RPS6KL1: variants seen among roughly 807,000 people sequenced by gnomAD.
RPS6KL1 encodes the protein ribosomal protein S6 kinase like 1.
Under a neutral mutation model 57.0 loss-of-function variants are expected in RPS6KL1, and 41 were observed. The ratio of observed to expected loss-of-function variants is 0.72; its 90% CI spans 0.56 to 0.93. The LOEUF (loss-of-function observed/expected upper bound fraction) is 0.93. Among genes scored for constraint, RPS6KL1 ranks in the 40% least tolerant of loss-of-function variants. RPS6KL1 has a pLI of 0.00. For synonymous variants in RPS6KL1, 287 were observed against 309.7 expected (o/e 0.93, Z 0.77); for missense variants, 697 against 727.7 (o/e 0.96, Z 0.49).
intron 5 of RPS6KL1, among the ~76,000 whole-genome samples, chr14:74,918,229 TC>T (rs1163850555): frequency 1.3e-5 from 2 of 152,130 alleles, no homozygotes; most frequent in East Asian, 3.9e-4. Flanking sequence ...GTGCTGGGAT[TC>T]CAGGTGTGAG....
chr14:74,907,647 A>G, intron 10 of RPS6KL1, 117 bp from the exon 11 acceptor site: 5 of 948,146 alleles, frequency 5.3e-6, no homozygotes, highest in Non-Finnish European at 7.7e-6. Flanking sequence ...GACAATAATG[A>G]TAGTTGCTAC....
Position 74,905,848 on chromosome 14 carries a change from A to C in RPS6KL1, c.*1166T>G, listed in dbSNP as rs1197229447. The C allele has an allele frequency of 1.3e-5, 2 of 153,298 alleles. No homozygotes were observed. The highest frequency in any genetic ancestry group is 1.3e-4 in the Admixed American group (2 of 15,452). The allele number at this position is 153,298 out of a possible 1,614,324, so 9.5% of individuals were successfully genotyped here. A position where few individuals can be genotyped will look rare whatever the true frequency, so the allele number is the denominator to read the frequency against. Reference sequence around the variant, plus strand: ...CAGAGCCAGGCACGTGGACCGTGTCAGAAGCGCCACCTGGTGGTGACTGGG... The same window carrying C: ...CAGAGCCAGGCACGTGGACCGTGTCCGAAGCGCCACCTGGTGGTGACTGGG... On this transcript the variant is annotated 3_prime_UTR_variant, in exon 12 of 12. Transcript: ENST00000557413.
chr14:74,919,044 G>A (rs564052631), intron 4 of RPS6KL1, among the ~76,000 whole-genome samples: 9 of 152,316 alleles, frequency 5.9e-5, no homozygotes, highest in Non-Finnish European at 1.0e-4. Flanking sequence ...GCATGGTGGC[G>A]CCTGCCTGTA....
rs750781763 is a variant in RPS6KL1 at position 74,919,975 on chromosome 14, G to C, written c.266-6C>G. ...TCGCTCCTTGTTGGGGTCAACTGTG[G>C]GAGACAAGAGTCACCAGGGTCCCCA... On this transcript the variant is annotated splice_region_variant and splice_polypyrimidine_tract_variant and intron_variant, in intron 3 of 11. Coordinates refer to ENST00000557413, the MANE Select transcript of RPS6KL1 (RefSeq NM_031464.5). The C allele has an allele frequency of 1.2e-6, 2 of 1,614,102 alleles. No homozygotes were observed. The highest frequency in any genetic ancestry group is 1.7e-6 in the Non-Finnish European group (2 of 1,180,006).
intron 4 of RPS6KL1, among the ~76,000 whole-genome samples, chr14:74,919,030 C>A (rs545579332): frequency 1.3e-5 from 2 of 152,292 alleles, no homozygotes; most frequent in East Asian, 3.9e-4. Context: ...CAAAAATTAG[C>A]CGAGCATGGT....
In RPS6KL1 at chr14:74,909,258, G is replaced by A; in HGVS notation, c.1271-68C>T. The A allele has an allele frequency of 2.0e-6, 3 of 1,465,574 alleles. No individual in the cohort carries two copies. The South Asian group carries it at 3.4e-5, about 17-fold the overall frequency. The allele number at this position is 1,465,574 out of a possible 1,614,324, so 90.8% of individuals were successfully genotyped here. A position where few individuals can be genotyped will look rare whatever the true frequency, so the allele number is the denominator to read the frequency against. ...AGCTGATACAGGGGAGGGGGTTGCAGGGCTTCCCCCAACAGTCATGCGGTA... is the reference window on the plus strand; with the variant it reads ...AGCTGATACAGGGGAGGGGGTTGCAAGGCTTCCCCCAACAGTCATGCGGTA... On this transcript the variant is annotated intron_variant, in intron 8 of 11. Coordinates refer to ENST00000557413, the MANE Select transcript of RPS6KL1 (RefSeq NM_031464.5).
chr14:74,918,093 ATATTTTATTT>A (rs60519410), intron 5 of RPS6KL1, among the ~76,000 whole-genome samples: 110 of 149,812 alleles, frequency 7.3e-4, no homozygotes, highest in African/African-American at 2.4e-3. Context: ...TCTTCTTTTT[ATATTTTATTT>A]TATTTTATTT....
intron 5 of RPS6KL1, among the ~76,000 whole-genome samples, chr14:74,914,168 C>A (rs1041235974): frequency 4.1e-4 from 63 of 152,240 alleles, no homozygotes; most frequent in South Asian, 2.1e-4. Flanking sequence ...GTGTCCTCTC[C>A]AACCACCAGA....
Position 74,922,283 on chromosome 14 carries a change from G to A in RPS6KL1, c.-326C>T. On this transcript the variant is annotated 5_prime_UTR_variant, in exon 2 of 12. Coordinates refer to ENST00000557413, the MANE Select transcript of RPS6KL1 (RefSeq NM_031464.5). ...GGGCTCAAATGCTGTTCCTCATGCTGTTCCCTCCACCCTGCCTGTTGTCTC... is the reference window on the plus strand; with the variant it reads ...GGGCTCAAATGCTGTTCCTCATGCTATTCCCTCCACCCTGCCTGTTGTCTC... 1.0e-6 allele frequency: 1 copy of A among 986,162 alleles called. No individual in the cohort carries two copies. The highest frequency in any genetic ancestry group is 1.2e-6 in the Non-Finnish European group (1 of 830,476). The allele number at this position is 986,162 out of a possible 1,614,324, so 61.1% of individuals were successfully genotyped here.
At chr14:74,910,889 TGAGGCGGAG>T in intron 7 of RPS6KL1, 2 of 168,316 alleles carry the variant, frequency 1.2e-5, no homozygotes, top group Non-Finnish European at 2.6e-5. Context: ...TTTTTTTTTT[TGAGGCGGAG>T]TCTTGCTCTG....
chr14:74,915,449 G>A (rs1037106864), intron 5 of RPS6KL1, among the ~76,000 whole-genome samples: 4 of 152,126 alleles, frequency 2.6e-5, no homozygotes, highest in African/African-American at 9.7e-5. Flanking sequence ...TGAATTCTTG[G>A]GACAGAGGGA....
At chr14:74,915,691 C>T (rs1886722388) in intron 5 of RPS6KL1, among the ~76,000 whole-genome samples, 1 of 152,190 alleles carries the variant, frequency 6.6e-6, no homozygotes, top group Non-Finnish European at 1.5e-5. Flanking sequence ...TCCCTGCTGC[C>T]ACAGGGGAAT....
At chr14:74,920,857 GGTGTAGT>G (rs1180652855) in intron 3 of RPS6KL1, among the ~76,000 whole-genome samples, 8 of 152,120 alleles carry the variant, frequency 5.3e-5, no homozygotes, top group Non-Finnish European at 1.0e-4. Flanking sequence ...GGAACAGTCA[GGTGTAGT>G]GGGCCAAGTA....
chr14:74,909,012 C>T, intron 9 of RPS6KL1, 80 bp from the exon 10 acceptor site: 1 of 1,571,224 alleles, frequency 6.4e-7, no homozygotes, highest in Non-Finnish European at 8.8e-7. Context: ...CAGACACCAC[C>T]CACCCGCTCT....
rs764846440 is a variant in RPS6KL1 at position 74,909,634 on chromosome 14, C to A, written c.1179G>T (p.Ala393=). 1.2e-5 allele frequency: 20 copies of A among 1,611,716 alleles called. No homozygotes were observed. The South Asian group carries it at 2.1e-4, about 17-fold the overall frequency. The change falls in exon 8 of 12, where the codon GCG becomes GCT. Residue 393 remains alanine (A), a synonymous_variant. Transcript: ENST00000557413. ...SVREEQVKQW[A]AEMLVALEAL... ...CCTCCAGCGCTACCAGCATCTCTGCCGCCCACTGCTTCACCTGCTCCTCTC... is the reference window on the plus strand; with the variant it reads ...CCTCCAGCGCTACCAGCATCTCTGCAGCCCACTGCTTCACCTGCTCCTCTC...
intron 10 of RPS6KL1, among the ~76,000 whole-genome samples, chr14:74,908,125 C>T (rs1335736891): frequency 3.3e-5 from 5 of 152,116 alleles, no homozygotes; most frequent in Admixed American, 2.6e-4. Context: ...CCAGGACTTT[C>T]GGGACCCCGT....
chr14:74,921,412 T>A lies in RPS6KL1; in HGVS notation c.130A>T (p.Met44Leu), dbSNP rs1194961523. The A allele has an allele frequency of 1.9e-6, 3 of 1,614,254 alleles. No homozygotes were observed. In the African/African-American group the frequency reaches 4.0e-5, roughly 22 times the overall value. ...RNRVALGVPD[M>L]TKRDYLVDAA... ...TCCACCAGATAGTCACGTTTTGTCATGTCAGGCACTCCCAGAGCCACCCTG... is the reference window on the plus strand; with the variant it reads ...TCCACCAGATAGTCACGTTTTGTCAAGTCAGGCACTCCCAGAGCCACCCTG... The change falls in exon 3 of 12, where the codon ATG (methionine) becomes TTG (leucine). Residue 44 changes from methionine to leucine, a missense_variant. Met to Leu is a conservative substitution (Grantham distance 15). Coordinates refer to ENST00000557413, the MANE Select transcript of RPS6KL1 (RefSeq NM_031464.5).
At position 74,907,016 on chromosome 14, in the gene RPS6KL1, A is replaced by G. The variant is rs1566807915; in HGVS notation, c.1648T>C (p.Ter550GlnextTer90). 2 of 1,607,892 alleles carry G rather than the reference A, an allele frequency of 1.2e-6. No individual in the cohort carries two copies. Among genetic ancestry groups the G allele is most frequent in the South Asian group, 2.2e-5 (2 of 90,340 alleles). Residue 550 changes from the stop codon to glutamine (Q), a stop_lost, in exon 12 of 12, where the codon TAA becomes CAA. Transcript: ENST00000557413. The part of the protein sequence containing the change: ...STIQWSKLVG[*>Q] ...CTTCCGTCACCCGCTCTGCCCTCTT[A>G]CCCCACCAGCTTGCTCCATTGGATG...
chr14:74,906,855 A>G lies in RPS6KL1; in HGVS notation c.*159T>C, dbSNP rs1325654910. On this transcript the variant is annotated 3_prime_UTR_variant, in exon 12 of 12. Coordinates refer to ENST00000557413, the MANE Select transcript of RPS6KL1 (RefSeq NM_031464.5). ...AGCTGGCCCTTCCTGGGTGGTGGCC[A>G]TAATTCTGAGGCCCCAGTGGGAGCC... 1.3e-6 allele frequency: 1 copy of G among 773,164 alleles called. No homozygotes were observed. The highest frequency in any genetic ancestry group is 2.4e-6 in the Non-Finnish European group (1 of 422,750). The allele number at this position is 773,164 out of a possible 1,614,324, so 47.9% of individuals were successfully genotyped here.
Sources: allele counts gnomAD v4.1 joint callset (sites outside exome capture counted in the v4.1 genomes callset), GRCh38; gene constraint gnomAD v4.1.1; transcripts MANE v1.5; gene names NCBI Gene and HGNC (gene_info 2026-07-23, HGNC 2026-07-21).